Variants in CCDC171 observed in about 807,000 individuals in gnomAD.
The protein encoded by CCDC171 is coiled-coil domain containing 171, also known as coiled-coil domain-containing protein 171.
Under a neutral mutation model 168.2 loss-of-function variants are expected in CCDC171, and 177 were observed. The observed-to-expected ratio is 1.05, with a 90% confidence interval of 0.93 to 1.19. The LOEUF is 1.19. Among genes scored for constraint, CCDC171 ranks in the 50% most tolerant of loss-of-function variants. CCDC171 has a pLI of 0.00. For synonymous variants in CCDC171, 687 were observed against 540.8 expected (o/e 1.27, Z -3.75); for missense variants, 1,991 against 1,539.0 (o/e 1.29, Z -4.91).
intron 9 of CCDC171, among the ~76,000 whole-genome samples, chr9:15,671,054 T>C (rs965165072): frequency 3.9e-5 from 6 of 152,174 alleles, no homozygotes; most frequent in African/African-American, 1.4e-4. Context: ...ATCATGCCAC[T>C]GTACTTCAGT....
At chr9:16,091,593 G>A in the CCDC171 span, among the ~76,000 whole-genome samples, 35 of 152,326 alleles carry the variant, frequency 2.3e-4, no homozygotes, top group African/African-American at 6.3e-4. Context: ...AGAGGGGAAC[G>A]GGAGAGTTGG....
rs201544576 is a variant in CCDC171, at chr9:15,724,782, C to T, written c.1498C>T (p.Gln500Ter). The T allele has an allele frequency of 3.2e-5, 51 of 1,612,246 alleles. No individual in the cohort carries two copies. The highest frequency in any genetic ancestry group is 4.2e-5 in the Non-Finnish European group (49 of 1,178,746). The change falls in exon 14 of 26, where the codon CAG (glutamine) becomes TAG (stop). Residue 500 changes from glutamine (Q) to a stop codon, truncating the protein, a stop_gained. Transcript: ENST00000380701. LOFTEE classifies it high-confidence loss of function. ...TATTTGGTATCTATGACAGGAACTT[C>T]AGGATAAACTGGCTGATGTTAATAA... ...DSHTKNIKEL[Q>*]DKLADVNKEL...
intron 24 of CCDC171, among the ~76,000 whole-genome samples, chr9:15,902,704 G>A (rs998256500): frequency 8.5e-5 from 13 of 152,176 alleles, no homozygotes; most frequent in East Asian, 1.9e-4. Context: ...TGGGTGCAGC[G>A]CACCGAGCAT....
rs575972616 is a variant in CCDC171, at chr9:15,801,703, G to A, written c.3267+17009G>A. Among the ~76,000 whole-genome samples, 3 of 152,104 alleles carry A rather than the reference G, an allele frequency of 2.0e-5. No individual in the cohort carries two copies. In the East Asian group the frequency reaches 5.8e-4, roughly 29 times the overall value. On this transcript the variant is annotated intron_variant, in intron 21 of 25. Transcript: ENST00000380701. ...ATCCTTGCCATATTCAGATCTTAGA[G>A]GAAAGGGTTTCATTTTCTTTCCCTA... is the stretch of plus-strand genomic sequence containing the variant.
chr9:15,805,679 A>AT, intron 21 of CCDC171, among the ~76,000 whole-genome samples: 1 of 152,134 alleles, frequency 6.6e-6, no homozygotes, highest in East Asian at 1.9e-4. Flanking sequence ...TATGTGATTG[A>AT]TTTTAAGTAA....
intron 21 of CCDC171, among the ~76,000 whole-genome samples, chr9:15,796,146 C>G (rs1264097508): frequency 6.6e-6 from 1 of 151,342 alleles, no homozygotes; most frequent in Non-Finnish European, 1.5e-5. Context: ...TTCAAGCATT[C>G]TAAGAGATAA....
intron 7 of CCDC171, among the ~76,000 whole-genome samples, chr9:15,628,489 A>G (rs1324132093): frequency 6.6e-6 from 1 of 152,192 alleles, no homozygotes; most frequent in African/African-American, 2.4e-5. Flanking sequence ...GGCGGCTGCC[A>G]TTGCCCAGGC....
At chr9:15,660,643 G>C (rs1371601808) in intron 8 of CCDC171, among the ~76,000 whole-genome samples, 1 of 152,138 alleles carries the variant, frequency 6.6e-6, no homozygotes, top group Non-Finnish European at 1.5e-5. Context: ...TGTAGCATAG[G>C]ACATGATTTT....
intron 21 of CCDC171, among the ~76,000 whole-genome samples, chr9:15,790,968 G>T (rs371277426): frequency 6.6e-6 from 1 of 152,080 alleles, no homozygotes; most frequent in Non-Finnish European, 1.5e-5. Flanking sequence ...CTCTGTTTTG[G>T]TACCAGTACC....
chr9:15,808,569 C>G (rs573195485), intron 21 of CCDC171, among the ~76,000 whole-genome samples: 2 of 152,284 alleles, frequency 1.3e-5, no homozygotes, highest in South Asian at 4.2e-4. Context: ...AACAATAAAT[C>G]TGAAAGAATC....
chr9:15,901,437 TA>T (rs1401478426), intron 24 of CCDC171, among the ~76,000 whole-genome samples: 8 of 152,292 alleles, frequency 5.3e-5, no homozygotes, highest in South Asian at 4.1e-4. Flanking sequence ...TTTATGTGTA[TA>T]GGGGCAGAGC....
chr9:15,750,737 G>C (rs2055672938), intron 18 of CCDC171, among the ~76,000 whole-genome samples: 1 of 152,134 alleles, frequency 6.6e-6, no homozygotes, highest in South Asian at 2.1e-4. Flanking sequence ...AGCCCTTCAT[G>C]CTAAAAACTC....
At chr9:15,779,185 C>G in intron 20 of CCDC171, 35 bp downstream of exon 20, 1 of 1,250,476 alleles carries the variant, frequency 8.0e-7, no homozygotes. Context: ...TGTTGCTTTG[C>G]TGATATATAT....
intron 18 of CCDC171, among the ~76,000 whole-genome samples, chr9:15,752,198 A>C (rs1006652414): frequency 6.6e-6 from 1 of 152,250 alleles, no homozygotes; most frequent in Non-Finnish European, 1.5e-5. Flanking sequence ...TCAAAACCAC[A>C]ACGAGTTACC....
At chr9:15,894,114 G>A (rs749175665) in intron 24 of CCDC171, among the ~76,000 whole-genome samples, 4 of 152,112 alleles carry the variant, frequency 2.6e-5, no homozygotes, top group East Asian at 1.9e-4. Context: ...GAACGAGGTC[G>A]TGTTCTTTGT....
chr9:16,087,305 G>T, the CCDC171 span, among the ~76,000 whole-genome samples: 4 of 152,100 alleles, frequency 2.6e-5, no homozygotes, highest in Non-Finnish European at 5.9e-5. Context: ...CTGTCTCGTT[G>T]TTCTGTCTAA....
At chr9:15,784,849 T>C (rs1369329682) in intron 21 of CCDC171, among the ~76,000 whole-genome samples, 155 bp downstream of exon 21, 1 of 152,166 alleles carries the variant, frequency 6.6e-6, no homozygotes, top group African/African-American at 2.4e-5. Flanking sequence ...ACCTCAGTTA[T>C]AAGCCTGCAT....
chr9:15,871,581 A>T (rs576758781), intron 23 of CCDC171, among the ~76,000 whole-genome samples: 94 of 152,030 alleles, frequency 6.2e-4, no homozygotes, highest in Non-Finnish European at 1.2e-3. Flanking sequence ...GTATCCAATA[A>T]GCTGTACTTC....
chr9:15,645,578 G>A (rs1374487281), intron 7 of CCDC171, among the ~76,000 whole-genome samples: 1 of 152,192 alleles, frequency 6.6e-6, no homozygotes, highest in Non-Finnish European at 1.5e-5. Flanking sequence ...GAAAACCATG[G>A]CACGAGAACT....
Sources: gnomAD v4.1 joint callset for allele counts (sites outside exome capture counted in the v4.1 genomes callset) on GRCh38, gnomAD v4.1.1 for gene constraint, MANE v1.5 for transcripts, NCBI Gene and HGNC (gene_info 2026-07-23, HGNC 2026-07-21) for gene names.